The following C12orf54 variants were observed in gnomAD, a reference collection of about 807,000 sequenced individuals.
The protein encoded by C12orf54 is chromosome 12 open reading frame 54, also known as uncharacterized protein C12orf54.
In C12orf54, 24 loss-of-function variants were observed where a neutral mutation model predicts 26.4. The observed-to-expected ratio is 0.91, with a 90% CI of 0.66 to 1.28. The LOEUF (loss-of-function observed/expected upper bound fraction) is 1.28. C12orf54 is among the 50% of genes most tolerant of loss of function. The pLI, the probability that C12orf54 is intolerant of heterozygous loss-of-function variation, is 0.00. For synonymous variants in C12orf54, 54 were observed against 47.0 expected, an observed-to-expected ratio of 1.15 and a Z score of -0.61; for missense variants, 154 against 150.9, an observed-to-expected ratio of 1.02 and a Z score of -0.11.
At chr12:48,415,914 C>T in the C12orf54 span, among the ~76,000 whole-genome samples, 1 of 152,130 alleles carries the variant, frequency 6.6e-6, no homozygotes, top group South Asian at 2.1e-4. Flanking sequence ...TTTCGCCTTC[C>T]TAATGTGCAT....
chr12:48,472,681 G>T, the C12orf54 span: 1 of 1,614,118 alleles, frequency 6.2e-7, no homozygotes, highest in Non-Finnish European at 8.5e-7. Flanking sequence ...ATGGGCAAAT[G>T]GATTCATTTA....
At chr12:48,448,488 T>A in the C12orf54 span, among the ~76,000 whole-genome samples, 22 of 152,374 alleles carry the variant, frequency 1.4e-4, no homozygotes, top group Middle Eastern at 3.4e-3. Flanking sequence ...TATATGATTA[T>A]ACTACATTTC....
intron 4 of C12orf54, chr12:48,487,938 C>A (rs1937689525): frequency 1.5e-6 from 1 of 660,200 alleles, no homozygotes; most frequent in South Asian, 1.8e-5. Context: ...GATCCTATAG[C>A]CGCTGAGATG....
intron 3 of C12orf54, 37 bp downstream of exon 3, chr12:48,486,245 G>T: frequency 6.3e-7 from 1 of 1,589,934 alleles, no homozygotes; most frequent in Non-Finnish European, 8.6e-7. Context: ...ATCCTCTGGG[G>T]CTTCTAATTC....
chr12:48,441,870 A>G, the C12orf54 span, among the ~76,000 whole-genome samples: 5 of 151,988 alleles, frequency 3.3e-5, no homozygotes, highest in Non-Finnish European at 5.9e-5. Flanking sequence ...TTTCTTCAGT[A>G]TTTTTCAGAA....
chr12:48,421,118 G>C, the C12orf54 span, among the ~76,000 whole-genome samples: 5 of 151,920 alleles, frequency 3.3e-5, no homozygotes, highest in African/African-American at 1.2e-4. Context: ...TTCTTGCATT[G>C]CTATAAAGAA....
chr12:48,486,206 C>G lies in C12orf54; in HGVS notation c.94C>G (p.Gln32Glu). ...STSIEETMRP[Q>E]EKQVTITETL... is the part of the protein sequence containing the mutation. ...ATCCATAGAAGAGACAATGAGACCA[C>G]AGGTGGGTAAGGTATCCAAATTCTC... Residue 32 changes from glutamine to glutamate, a missense_variant and splice_region_variant, in exon 3 of 9, where the codon CAG (glutamine) becomes GAG (glutamate). By Grantham distance (29) the Gln-to-Glu change is conservative. Transcript: ENST00000548364. The G allele has an allele frequency of 6.2e-7, 1 of 1,610,286 alleles. No individual in the cohort carries two copies. Among genetic ancestry groups the G allele is most frequent in the Non-Finnish European group, 8.5e-7 (1 of 1,176,606 alleles).
At chr12:48,463,642 G>A in the C12orf54 span, among the ~76,000 whole-genome samples, 20 of 151,544 alleles carry the variant, frequency 1.3e-4, no homozygotes, top group African/African-American at 4.3e-4. Context: ...AAAACTTCAG[G>A]CCAATATCCT....
At chr12:48,468,873 A>G in the C12orf54 span, among the ~76,000 whole-genome samples, 1 of 152,110 alleles carries the variant, frequency 6.6e-6, no homozygotes, top group Non-Finnish European at 1.5e-5. Context: ...AAAGAAAGAA[A>G]TTTTACATCT....
intron 4 of C12orf54, chr12:48,488,345 T>G (rs1173190628): frequency 1.2e-5 from 6 of 517,618 alleles, no homozygotes; most frequent in Non-Finnish European, 2.2e-5. Flanking sequence ...CTGTGCCCCC[T>G]GGTGCCGACA....
rs1954219528 is a variant in C12orf54 at position 48,483,265 on chromosome 12, C to G, written c.-32C>G. 1 of 1,604,706 alleles carries G rather than the reference C, an allele frequency of 6.2e-7. No individual in the cohort carries two copies. On this transcript the variant is annotated 5_prime_UTR_variant, in exon 2 of 9. Coordinates refer to ENST00000548364, the MANE Select transcript of C12orf54 (RefSeq NM_152319.4). ...GGCCTGGAGCTATCTCCATCTTCAG[C>G]TCCAGAGTCCTTGGTTTCTGTCTGA...
the C12orf54 span, among the ~76,000 whole-genome samples, chr12:48,459,906 G>A: frequency 6.6e-6 from 1 of 152,116 alleles, no homozygotes; most frequent in Non-Finnish European, 1.5e-5. Flanking sequence ...CTTTTAACTG[G>A]AGGTCAGTCC....
the C12orf54 span, among the ~76,000 whole-genome samples, chr12:48,427,906 G>A: frequency 6.6e-6 from 1 of 151,938 alleles, no homozygotes; most frequent in Admixed American, 6.6e-5. Flanking sequence ...CTCCAAGATG[G>A]ACCATATGAT....
At chr12:48,435,167 G>C in the C12orf54 span, among the ~76,000 whole-genome samples, 3 of 152,196 alleles carry the variant, frequency 2.0e-5, no homozygotes, top group African/African-American at 7.2e-5. Flanking sequence ...ATCAGCGATA[G>C]AAGATGAAAT....
rs1937913066 is a variant in C12orf54, at chr12:48,496,447, T to C, written c.*307T>C. On this transcript the variant is annotated 3_prime_UTR_variant, in exon 9 of 9. Coordinates refer to ENST00000548364, the MANE Select transcript of C12orf54 (RefSeq NM_152319.4). ...GTAGTGATAGAATTTCCAAGTATGA[T>C]AGTGCATTTGGTTCAAAGAACAGCA... The C allele has an allele frequency of 6.5e-6, 1 of 152,676 alleles. No homozygotes were observed. Among genetic ancestry groups the C allele is most frequent in the African/African-American group, 2.4e-5 (1 of 41,460 alleles). The allele number at this position is 152,676 out of a possible 1,614,324, so 9.5% of individuals were successfully genotyped here.
chr12:48,485,823 A>T (rs1175416211), intron 2 of C12orf54, among the ~76,000 whole-genome samples: 1 of 152,196 alleles, frequency 6.6e-6, no homozygotes, highest in East Asian at 1.9e-4. Context: ...TCCAAAGAGG[A>T]CCTGGGAAGT....
upstream of C12orf54, among the ~76,000 whole-genome samples, chr12:48,478,133 A>C (rs951243237): frequency 6.6e-6 from 1 of 152,170 alleles, no homozygotes. Flanking sequence ...ATGAACAGAA[A>C]CAAAGACAAA....
chr12:48,479,142 G>GA (rs1333226125), upstream of C12orf54, among the ~76,000 whole-genome samples: 14 of 152,172 alleles, frequency 9.2e-5, no homozygotes, highest in Non-Finnish European at 1.6e-4. Context: ...ACTGGATTAA[G>GA]AAAATGTGGC....
the C12orf54 span, among the ~76,000 whole-genome samples, chr12:48,458,989 C>A: frequency 6.0e-5 from 4 of 66,502 alleles, no homozygotes; most frequent in African/African-American, 2.2e-4. Context: ...CCCATCAGCT[C>A]CTTTTTTGAA....
Sources: allele counts gnomAD v4.1 joint callset (sites outside exome capture counted in the v4.1 genomes callset), GRCh38; gene constraint gnomAD v4.1.1; transcripts MANE v1.5; gene names NCBI Gene and HGNC (gene_info 2026-07-23, HGNC 2026-07-21).